RNASEH2C: variants seen among roughly 807,000 people sequenced by gnomAD.
RNASEH2C encodes RNase H1 small subunit.
A neutral mutation model predicts 16.3 loss-of-function variants in RNASEH2C; 20 were observed. The ratio of observed to expected loss-of-function variants is 1.23; its 90% CI spans 0.86 to 1.79. The LOEUF (loss-of-function observed/expected upper bound fraction) is 1.79, where lower values mean the gene tolerates loss of function less well. RNASEH2C is among the 40% of genes most tolerant of loss of function. The pLI is 0.00. For missense variants in RNASEH2C, 296 were observed against 235.9 expected, an observed-to-expected ratio of 1.25 and a Z score of -1.67; for synonymous variants, 106 against 98.9, an observed-to-expected ratio of 1.07 and a Z score of -0.43.
rs764049021 is a variant in RNASEH2C, at chr11:65,720,256, G to A, written c.334C>T (p.Leu112=). ...SGTDDQEEEP[L]ERDFDRFIGA... is the part of the protein sequence containing the mutation. ...CCTTTGCTCACGAAGTCCCGCTCCA[G>A]CGGCTCCTCCTCTTGGTCGTCAGTC... Residue 112 remains leucine (L), a synonymous_variant, in exon 2 of 4, where the codon CTG becomes TTG. Coordinates refer to ENST00000308418, the MANE Select transcript of RNASEH2C (RefSeq NM_032193.4). The A allele has an allele frequency of 4.3e-6, 7 of 1,614,260 alleles. No individual in the cohort carries two copies. Among genetic ancestry groups the A allele is most frequent in the Non-Finnish European group, 5.9e-6 (7 of 1,180,040 alleles).
Position 65,720,270 on chromosome 11 carries a change from T to TG in RNASEH2C, c.319dup (p.Gln107ProfsTer64). 6.2e-7 allele frequency: 1 copy of TG among 1,614,248 alleles called. No homozygotes were observed. Among genetic ancestry groups the TG allele is most frequent in the Non-Finnish European group, 8.5e-7 (1 of 1,180,044 alleles). ...GTCCCGCTCCAGCGGCTCCTCCTCT[T>TG]GGTCGTCAGTCCCGGAATCCCGCAA... On this transcript the variant is annotated frameshift_variant, in exon 2 of 4. Coordinates refer to ENST00000308418, the MANE Select transcript of RNASEH2C (RefSeq NM_032193.4). LOFTEE classifies it high-confidence loss of function.
In RNASEH2C at chr11:65,720,342, A is replaced by G. The variant is rs1857352105; in HGVS notation, c.248T>C (p.Val83Ala). ...CACCTTCTTCTCTTCTGTCACCATC[A>G]CGTATCCCACGAGGCCAGGCGGCAC... ...VAVPPGLVGY[V>A]MVTEEKKVSM... Residue 83 changes from valine to alanine, a missense_variant, in exon 2 of 4, where the codon GTG (valine) becomes GCG (alanine). Val to Ala is a moderately conservative substitution (Grantham distance 64). Transcript: ENST00000308418. 1 of 1,613,842 alleles carries G rather than the reference A, an allele frequency of 6.2e-7. No homozygotes were observed. The highest frequency in any genetic ancestry group is 1.3e-5 in the African/African-American group (1 of 74,832).
At position 65,718,833 on chromosome 11, in the gene RNASEH2C, A is replaced by G; in HGVS notation, c.*950T>C. Reference sequence around the variant, plus strand: ...TCTCTCTCAGGGCTCCTGGGGACAGATAAAGGTCCTCAGGGAACCTGACCT... The same window carrying G: ...TCTCTCTCAGGGCTCCTGGGGACAGGTAAAGGTCCTCAGGGAACCTGACCT... On this transcript the variant is annotated 3_prime_UTR_variant, in exon 4 of 4. Coordinates refer to ENST00000308418, the MANE Select transcript of RNASEH2C (RefSeq NM_032193.4). 3.9e-5 allele frequency: 63 copies of G among 1,612,788 alleles called. No homozygotes were observed. The highest frequency in any genetic ancestry group is 5.3e-5 in the Non-Finnish European group (63 of 1,179,154).
rs886048483 is a variant in RNASEH2C at position 65,717,952 on chromosome 11, C to T, written c.*1831G>A. 6.5e-6 allele frequency: 1 copy of T among 153,810 alleles called. No homozygotes were observed. Among genetic ancestry groups the T allele is most frequent in the Non-Finnish European group, 1.4e-5 (1 of 69,258 alleles). The allele number at this position is 153,810 out of a possible 1,614,324, so 9.5% of individuals were successfully genotyped here. A position where few individuals can be genotyped will look rare whatever the true frequency, so the allele number is the denominator to read the frequency against. ...GAAGCCACTCAGGGCTGTGCAGGGT[C>T]TGAGGATCTCACTGGGGACGGCCTC... is the stretch of plus-strand genomic sequence containing the variant. On this transcript the variant is annotated 3_prime_UTR_variant, in exon 4 of 4. Coordinates refer to ENST00000308418, the MANE Select transcript of RNASEH2C (RefSeq NM_032193.4).
In RNASEH2C at chr11:65,719,170, G is replaced by A; in HGVS notation, c.*613C>T. On this transcript the variant is annotated 3_prime_UTR_variant, in exon 4 of 4. Transcript: ENST00000308418. ...CACTCCCAAGGACTGGAGCAAGAGG[G>A]GGAAGTGGTGACCAGACACTGCCCA... The A allele has an allele frequency of 6.2e-7, 1 of 1,613,976 alleles. No homozygotes were observed. The highest frequency in any genetic ancestry group is 8.5e-7 in the Non-Finnish European group (1 of 1,179,990).
Position 65,719,296 on chromosome 11 carries a change from T to A in RNASEH2C, c.*487A>T. The A allele has an allele frequency of 7.7e-7, 1 of 1,299,424 alleles. No homozygotes were observed. The highest frequency in any genetic ancestry group is 1.1e-6 in the Non-Finnish European group (1 of 951,916). 80.5% of individuals were successfully genotyped at this position (1,299,424 alleles called of 1,614,324 possible). A position where few individuals can be genotyped will look rare whatever the true frequency, so the allele number is the denominator to read the frequency against. On this transcript the variant is annotated 3_prime_UTR_variant, in exon 4 of 4. Transcript: ENST00000308418. ...TAAGGGAGATGGGGCTGAGGACAGCTCAAAAAGGAGAGGACAGGCCTGGCA... is the reference window on the plus strand; with the variant it reads ...TAAGGGAGATGGGGCTGAGGACAGCACAAAAAGGAGAGGACAGGCCTGGCA...
At chr11:65,719,888 G>T in intron 3 of RNASEH2C, 79 bp from the exon 4 acceptor site, 1 of 1,605,670 alleles carries the variant, frequency 6.2e-7, no homozygotes, top group Non-Finnish European at 8.5e-7. Flanking sequence ...GAAGGACCCA[G>T]CTGTTCAGAA....
In RNASEH2C at chr11:65,720,066, A is replaced by G. The variant is rs1391888258; in HGVS notation, c.447T>C (p.Thr149=). The G allele has an allele frequency of 1.2e-6, 2 of 1,613,984 alleles. No homozygotes were observed. The highest frequency in any genetic ancestry group is 2.2e-5 in the South Asian group (2 of 91,090). Residue 149 remains threonine, a synonymous_variant, in exon 3 of 4, where the codon ACT becomes ACC. Coordinates refer to ENST00000308418, the MANE Select transcript of RNASEH2C (RefSeq NM_032193.4). ...GPDAKVRGAL[T]WPSLAAAIHA... ...TCACCGCTGCCGCAAGGCTGGGCCA[A>G]GTTAAGGCCCCACGCACTTTGGCAT...
Position 65,720,256 on chromosome 11 carries a change from G to T in RNASEH2C, c.334C>A (p.Leu112Met). 1 of 1,614,260 alleles carries T rather than the reference G, an allele frequency of 6.2e-7. No individual in the cohort carries two copies. The highest frequency in any genetic ancestry group is 1.3e-5 in the African/African-American group (1 of 75,074). Reference sequence around the variant, plus strand: ...CCTTTGCTCACGAAGTCCCGCTCCAGCGGCTCCTCCTCTTGGTCGTCAGTC... The same window carrying T: ...CCTTTGCTCACGAAGTCCCGCTCCATCGGCTCCTCCTCTTGGTCGTCAGTC... ...SGTDDQEEEP[L>M]ERDFDRFIGA... The change falls in exon 2 of 4, where the codon CTG (leucine) becomes ATG (methionine). Residue 112 changes from leucine to methionine, a missense_variant. Leu to Met is a conservative substitution (Grantham distance 15, BLOSUM62 2). Transcript: ENST00000308418.
rs1487557211 is a variant in RNASEH2C at position 65,718,346 on chromosome 11, C to T, written c.*1437G>A. On this transcript the variant is annotated 3_prime_UTR_variant, in exon 4 of 4. Coordinates refer to ENST00000308418, the MANE Select transcript of RNASEH2C (RefSeq NM_032193.4). ...GCCTTCACTGGCCTCTGATCACCCTCATGGTTGACTGCAGCTGCTCCTCTC... is the reference window on the plus strand; with the variant it reads ...GCCTTCACTGGCCTCTGATCACCCTTATGGTTGACTGCAGCTGCTCCTCTC... The T allele has an allele frequency of 2.1e-6, 1 of 476,446 alleles. No homozygotes were observed. The highest frequency in any genetic ancestry group is 3.8e-6 in the Non-Finnish European group (1 of 264,604). The allele number at this position is 476,446 out of a possible 1,614,324, so 29.5% of individuals were successfully genotyped here.
chr11:65,718,561 A>G lies in RNASEH2C; in HGVS notation c.*1222T>C. ...TGCTTATGTTCATCTGTGACCTCTT[A>G]CTCACCCTCTCCTGCTCCATTGCTT... is the stretch of plus-strand genomic sequence containing the variant. On this transcript the variant is annotated 3_prime_UTR_variant, in exon 4 of 4. Coordinates refer to ENST00000308418, the MANE Select transcript of RNASEH2C (RefSeq NM_032193.4). 6.2e-7 allele frequency: 1 copy of G among 1,600,248 alleles called. No individual in the cohort carries two copies. The highest frequency in any genetic ancestry group is 1.3e-5 in the African/African-American group (1 of 74,324).
intron 1 of RNASEH2C, 25 bp downstream of exon 1, chr11:65,720,562 G>A: frequency 6.6e-7 from 1 of 1,518,550 alleles, no homozygotes; most frequent in South Asian, 1.2e-5. Flanking sequence ...GCTGCCGGGA[G>A]CCGTAGTCCG....
Position 65,720,272 on chromosome 11 carries a change from G to C in RNASEH2C, c.318C>G (p.Asp106Glu), listed in dbSNP as rs1565213388. The C allele has an allele frequency of 6.2e-7, 1 of 1,614,244 alleles. No homozygotes were observed. The highest frequency in any genetic ancestry group is 1.1e-5 in the South Asian group (1 of 91,084). ...PDPLRDSGTD[D>E]QEEEPLERDF... ...CCCGCTCCAGCGGCTCCTCCTCTTG[G>C]TCGTCAGTCCCGGAATCCCGCAAGG... The change falls in exon 2 of 4, where the codon GAC (aspartate) becomes GAG (glutamate). Residue 106 changes from aspartate to glutamate, a missense_variant. Transcript: ENST00000308418.
Position 65,720,320 on chromosome 11 carries a change from C to G in RNASEH2C, c.270G>C (p.Lys90Asn), listed in dbSNP as rs1480542783. ...AGGGGTCTGGCTTCCCCATCGACAC[C>G]TTCTTCTCTTCTGTCACCATCACGT... ...VGYVMVTEEKKVSMGKPDPLR... is the reference protein window; with the variant it reads ...VGYVMVTEEKNVSMGKPDPLR... The change falls in exon 2 of 4, where the codon AAG (lysine) becomes AAC (asparagine). Residue 90 changes from lysine (K) to asparagine (N), a missense_variant. Lys to Asn is a moderately conservative substitution (Grantham distance 94). Transcript: ENST00000308418. 3.1e-6 allele frequency: 5 copies of G among 1,601,970 alleles called. No homozygotes were observed. In the East Asian group the frequency reaches 1.4e-4, roughly 46 times the overall value.
rs1301439813 is a variant in RNASEH2C at position 65,719,273 on chromosome 11, AG to A, written c.*509del. ...ACTGCAGCTCCCACAAAGCACTCTA[AG>A]GGAGATGGGGCTGAGGACAGCTCAA... On this transcript the variant is annotated 3_prime_UTR_variant, in exon 4 of 4. Transcript: ENST00000308418. 6.9e-7 allele frequency: 1 copy of A among 1,452,946 alleles called. No homozygotes were observed. The highest frequency in any genetic ancestry group is 9.4e-7 in the Non-Finnish European group (1 of 1,062,734). 90.0% of individuals were successfully genotyped at this position (1,452,946 alleles called of 1,614,324 possible).
rs1379430577 is a variant in RNASEH2C, at chr11:65,720,274, C to T, written c.316G>A (p.Asp106Asn). The change falls in exon 2 of 4, where the codon GAC (aspartate) becomes AAC (asparagine). Residue 106 changes from aspartate to asparagine, a missense_variant. Transcript: ENST00000308418. The stretch of plus-strand genomic sequence containing the variant: ...CGCTCCAGCGGCTCCTCCTCTTGGT[C>T]GTCAGTCCCGGAATCCCGCAAGGGG... ...PDPLRDSGTDDQEEEPLERDF... is the reference protein window; with the variant it reads ...PDPLRDSGTDNQEEEPLERDF... 1.4e-5 allele frequency: 23 copies of T among 1,614,242 alleles called. No individual in the cohort carries two copies. Among genetic ancestry groups the T allele is most frequent in the Non-Finnish European group, 1.9e-5 (23 of 1,180,046 alleles).
Position 65,720,593 on chromosome 11 carries a change from G to T in RNASEH2C, c.166C>A (p.Pro56Thr). The T allele has an allele frequency of 1.3e-6, 2 of 1,534,536 alleles. No individual in the cohort carries two copies. The highest frequency in any genetic ancestry group is 1.7e-6 in the Non-Finnish European group (2 of 1,143,978). The change falls in exon 1 of 4, where the codon CCC becomes ACC. Residue 56 changes from proline (P) to threonine (T), a missense_variant. Pro to Thr is a conservative substitution (Grantham distance 38, BLOSUM62 -1). Coordinates refer to ENST00000308418, the MANE Select transcript of RNASEH2C (RefSeq NM_032193.4). ...RFFTPAIRQGPEGLEVSFRGR... is the reference protein window; with the variant it reads ...RFFTPAIRQGTEGLEVSFRGR... ...GTCCGGCCGCAGGGCTCACCCTCGG[G>T]GCCCTGGCGGATGGCGGGCGTGAAG...
Position 65,719,626 on chromosome 11 carries a change from G to T in RNASEH2C, c.*157C>A. On this transcript the variant is annotated 3_prime_UTR_variant, in exon 4 of 4. Transcript: ENST00000308418. ...GCCAGAGCCATGCAAAGTTCTTGGT[G>T]GGGAGGGGGAAAGGGCCCATGCTGG... The T allele has an allele frequency of 3.9e-6, 3 of 776,490 alleles. No homozygotes were observed. The highest frequency in any genetic ancestry group is 2.5e-5 in the East Asian group (1 of 39,500). 48.1% of individuals were successfully genotyped at this position (776,490 alleles called of 1,614,324 possible).
At chr11:65,720,447 C>T in intron 1 of RNASEH2C, 30 bp from the exon 2 acceptor site, 1 of 1,611,094 alleles carries the variant, frequency 6.2e-7, no homozygotes, top group Non-Finnish European at 8.5e-7. Context: ...GGGCCTCAGG[C>T]AGGACCCACG....
Sources: gnomAD v4.1 joint callset for allele counts on GRCh38, gnomAD v4.1.1 for gene constraint, MANE v1.5 for transcripts, NCBI Gene and HGNC (gene_info 2026-07-23, HGNC 2026-07-21) for gene names.